Variants in AP3B1 observed in about 807,000 individuals in gnomAD.
AP3B1 encodes the protein adaptor related protein complex 3 subunit beta 1, also known as AP-3 complex subunit beta-1.
Under a neutral mutation model 132.5 loss-of-function variants are expected in AP3B1, and 61 were observed. The ratio of observed to expected loss-of-function variants is 0.46; its 90% confidence interval spans 0.37 to 0.57. The LOEUF is 0.57. Ranked by LOEUF, AP3B1 falls within the 20% of genes least tolerant of loss-of-function variation. AP3B1 has a pLI of 0.00. For missense variants in AP3B1, 1,120 were observed against 1,289.4 expected, an observed-to-expected ratio of 0.87 and a Z score of 2.01; for synonymous variants, 388 against 438.3, an observed-to-expected ratio of 0.89 and a Z score of 1.43.
chr5:78,009,188 C>T (rs998056082), intron 26 of AP3B1, among the ~76,000 whole-genome samples: 5 of 151,720 alleles, frequency 3.3e-5, no homozygotes, highest in South Asian at 2.1e-4. Flanking sequence ...GGCACAGTGG[C>T]GCATGCTTGT....
chr5:78,192,478 CTAAAAA>C lies in AP3B1; in HGVS notation c.787-10822_787-10817del, dbSNP rs1744882823. On this transcript the variant is annotated intron_variant, in intron 7 of 26. Coordinates refer to ENST00000255194, the MANE Select transcript of AP3B1 (RefSeq NM_003664.5). ...CCAACATGGTGAAACCCTGTCTCTA[CTAAAAA>C]TACAAAAATTAGCCACACATGGTGG... Among the ~76,000 whole-genome samples, 4 of 152,042 alleles carry C rather than the reference CTAAAAA, an allele frequency of 2.6e-5. No homozygotes were observed. In the South Asian group the frequency reaches 8.3e-4, roughly 32 times the overall value.
intron 22 of AP3B1, among the ~76,000 whole-genome samples, chr5:78,066,110 C>G (rs1341619138): frequency 6.6e-6 from 1 of 152,154 alleles, no homozygotes; most frequent in Non-Finnish European, 1.5e-5. Flanking sequence ...GAAAAACAAA[C>G]ATCAAGCAAC....
At chr5:78,098,402 C>G (rs994155924) in intron 21 of AP3B1, among the ~76,000 whole-genome samples, 13 of 150,446 alleles carry the variant, frequency 8.6e-5, no homozygotes, top group Non-Finnish European at 1.5e-5. Flanking sequence ...CTTTTTTTAC[C>G]GTAGTTGCCA....
chr5:78,273,445 C>A (rs371890658), intron 1 of AP3B1, among the ~76,000 whole-genome samples: 1 of 152,118 alleles, frequency 6.6e-6, no homozygotes, highest in Admixed American at 6.5e-5. Context: ...AGCTTTTTCC[C>A]TCAGTACATT....
At position 78,039,137 on chromosome 5, in the gene AP3B1, T is replaced by C. The variant is rs1747940673; in HGVS notation, c.2715A>G (p.Thr905=). Residue 905 remains threonine, a synonymous_variant, in exon 23 of 27, where the codon ACA becomes ACG. Transcript: ENST00000255194. ...FGDKMVSIQI[T]LNNTTDRKIE... is the part of the protein sequence containing the mutation. ...TCTTTCGATCAGTAGTGTTATTCAG[T>C]GTTATTTGTATAGAGACCATCTTAT... 1 of 1,613,644 alleles carries C rather than the reference T, an allele frequency of 6.2e-7. No homozygotes were observed. Among genetic ancestry groups the C allele is most frequent in the African/African-American group, 1.3e-5 (1 of 74,908 alleles).
At chr5:78,179,457 G>C (rs72776464) in intron 8 of AP3B1, among the ~76,000 whole-genome samples, 3 of 151,904 alleles carry the variant, frequency 2.0e-5, no homozygotes, top group African/African-American at 7.3e-5. Flanking sequence ...GTTGAAAGTC[G>C]CTTTGATACC....
intron 20 of AP3B1, among the ~76,000 whole-genome samples, chr5:78,109,895 A>G (rs1190953398): frequency 6.6e-6 from 1 of 152,150 alleles, no homozygotes; most frequent in East Asian, 1.9e-4. Context: ...TCAATTTCTT[A>G]TGATGTATGT....
intron 24 of AP3B1, among the ~76,000 whole-genome samples, chr5:78,031,905 TAAC>T (rs1747594060): frequency 3.3e-5 from 5 of 152,332 alleles, no homozygotes; most frequent in African/African-American, 1.2e-4. Context: ...CTCAGTTCTC[TAAC>T]TAGCACTAAG....
At chr5:78,100,266 T>C (rs1751074701) in intron 21 of AP3B1, among the ~76,000 whole-genome samples, 1 of 152,056 alleles carries the variant, frequency 6.6e-6, no homozygotes, top group African/African-American at 2.4e-5. Flanking sequence ...AAAAACTCTA[T>C]CAAAAATGAT....
chr5:78,025,413 C>T (rs116720994), intron 24 of AP3B1, among the ~76,000 whole-genome samples: 1 of 152,138 alleles, frequency 6.6e-6, no homozygotes, highest in Non-Finnish European at 1.5e-5. Context: ...TGTCCCTCCT[C>T]GCAACAAGCA....
intron 19 of AP3B1, among the ~76,000 whole-genome samples, chr5:78,112,171 G>A (rs1162983357): frequency 2.6e-5 from 4 of 152,236 alleles, no homozygotes; most frequent in East Asian, 3.9e-4. Flanking sequence ...GGAGAGGAGT[G>A]AGACAAGGAA....
chr5:78,190,262 G>T (rs574741096), intron 7 of AP3B1, among the ~76,000 whole-genome samples: 1 of 152,138 alleles, frequency 6.6e-6, no homozygotes, highest in South Asian at 2.1e-4. Context: ...ATTTCAGTTT[G>T]GTTCTACTGC....
At chr5:78,168,889 T>G (rs1054086286) in intron 11 of AP3B1, among the ~76,000 whole-genome samples, 4 of 148,038 alleles carry the variant, frequency 2.7e-5, no homozygotes, top group Non-Finnish European at 5.9e-5. Context: ...TTATATGACC[T>G]TGACATTTTC....
intron 7 of AP3B1, among the ~76,000 whole-genome samples, chr5:78,199,447 T>C (rs1353029304): frequency 6.6e-6 from 1 of 152,210 alleles, no homozygotes; most frequent in Non-Finnish European, 1.5e-5. Flanking sequence ...CATTTTTTGT[T>C]AAGCAAAATT....
At chr5:78,188,193 T>C (rs1355735859) in intron 7 of AP3B1, among the ~76,000 whole-genome samples, 1 of 152,030 alleles carries the variant, frequency 6.6e-6, no homozygotes, top group Non-Finnish European at 1.5e-5. Flanking sequence ...TATGATGAAA[T>C]TGCCAAAAGC....
intron 7 of AP3B1, among the ~76,000 whole-genome samples, chr5:78,190,769 T>A (rs1245645767): frequency 6.6e-6 from 1 of 152,226 alleles, no homozygotes; most frequent in African/African-American, 2.4e-5. Context: ...CAAATTAAAG[T>A]ACACAAACAG....
intron 17 of AP3B1, among the ~76,000 whole-genome samples, chr5:78,119,074 C>CA (rs1258402342): frequency 1.3e-5 from 2 of 152,222 alleles, no homozygotes; most frequent in Non-Finnish European, 2.9e-5. Context: ...GATACCCAGG[C>CA]AACAGGGTCT....
At chr5:78,252,599 T>G (rs1457869765) in intron 2 of AP3B1, among the ~76,000 whole-genome samples, 1 of 152,146 alleles carries the variant, frequency 6.6e-6, no homozygotes, top group Non-Finnish European at 1.5e-5. Flanking sequence ...CTTTGTGGCC[T>G]GGGGTGGTGG....
chr5:78,007,269 C>T (rs1310006218), intron 26 of AP3B1, among the ~76,000 whole-genome samples: 1 of 152,170 alleles, frequency 6.6e-6, no homozygotes, highest in African/African-American at 2.4e-5. Context: ...ACATTTTTTA[C>T]ACAGAATCAG....
Sources: gnomAD v4.1 joint callset for allele counts (sites outside exome capture counted in the v4.1 genomes callset) on GRCh38, gnomAD v4.1.1 for gene constraint, MANE v1.5 for transcripts, NCBI Gene and HGNC (gene_info 2026-07-23, HGNC 2026-07-21) for gene names.